EXOC1: variants seen among roughly 807,000 people sequenced by gnomAD.
EXOC1 encodes exocyst complex component 1.
A neutral mutation model predicts 107.7 loss-of-function variants in EXOC1; 67 were observed. The observed-to-expected ratio is 0.62, with a 90% CI of 0.51 to 0.76. The LOEUF is 0.76. Among genes scored for constraint, EXOC1 ranks in the 30% least tolerant of loss-of-function variants. EXOC1 has a pLI of 0.00. For missense variants in EXOC1, 833 were observed against 1,055.7 expected (o/e 0.79, Z 2.92); for synonymous variants, 348 against 353.5 (o/e 0.98, Z 0.17).
At chr4:55,873,825 A>C (rs1340164626) in intron 8 of EXOC1, among the ~76,000 whole-genome samples, 1 of 152,164 alleles carries the variant, frequency 6.6e-6, no homozygotes, top group African/African-American at 2.4e-5. Flanking sequence ...GTAGGGAGAC[A>C]AGCTGGGAAA....
At chr4:55,887,224 C>G (rs1306248215) in intron 10 of EXOC1, among the ~76,000 whole-genome samples, 1 of 152,076 alleles carries the variant, frequency 6.6e-6, no homozygotes, top group East Asian at 1.9e-4. Flanking sequence ...TGCCCTCCTT[C>G]CAATTTAATA....
At position 55,872,006 on chromosome 4, in the gene EXOC1, A is replaced by G. The variant is rs567247849; in HGVS notation, c.1074+48A>G. The stretch of plus-strand genomic sequence containing the variant: ...ACGAGCATGTTCCTATAGCTTATTT[A>G]TGTATTAACCTTACATTTCCACAAA... On this transcript the variant is annotated intron_variant, in intron 8 of 18. Coordinates refer to ENST00000381295, the MANE Select transcript of EXOC1 (RefSeq NM_001024924.2). 3.6e-5 allele frequency: 55 copies of G among 1,511,530 alleles called. No individual in the cohort carries two copies. In the South Asian group the frequency reaches 3.8e-4, roughly 10 times the overall value. 93.6% of individuals were successfully genotyped at this position (1,511,530 alleles called of 1,614,324 possible). A position where few individuals can be genotyped will look rare whatever the true frequency, so the allele number is the denominator to read the frequency against.
chr4:55,858,960 C>T (rs988859565), intron 2 of EXOC1, among the ~76,000 whole-genome samples: 5 of 152,102 alleles, frequency 3.3e-5, no homozygotes, highest in African/African-American at 9.7e-5. Flanking sequence ...AAAGATCCTT[C>T]CCTGTATCTT....
chr4:55,899,792 G>A lies in EXOC1; in HGVS notation c.2245G>A (p.Glu749Lys), dbSNP rs1309490649. The A allele has an allele frequency of 4.3e-6, 7 of 1,613,256 alleles. No homozygotes were observed. The highest frequency in any genetic ancestry group is 5.1e-6 in the Non-Finnish European group (6 of 1,179,636). The change falls in exon 17 of 19, where the codon GAA becomes AAA. Residue 749 changes from glutamate to lysine, a missense_variant. Around this residue, in one of 2 missense-constraint regions of EXOC1, gnomAD observed 216 missense variants for 354.4 expected, o/e 0.61. Transcript: ENST00000381295. ...TLSRLKISCL[E>K]AEKKEAKQKY... ...TTCTCGATTGAAAATCTCATGTCTA[G>A]AAGCAGAAAAAAAAGAAGCCAAACA...
intron 9 of EXOC1, among the ~76,000 whole-genome samples, chr4:55,881,789 A>G (rs796871333): frequency 5.9e-5 from 9 of 152,306 alleles, no homozygotes; most frequent in African/African-American, 2.2e-4. Flanking sequence ...AGGGAGGCAG[A>G]TTTGCCCAAG....
At chr4:55,883,551 C>T (rs1365050430) in intron 9 of EXOC1, 2 of 262,600 alleles carry the variant, frequency 7.6e-6, no homozygotes, top group East Asian at 1.1e-4. Context: ...AGTGTGATTA[C>T]AGTGATATTT....
chr4:55,875,684 T>C (rs1722835298), intron 8 of EXOC1: 1 of 985,030 alleles, frequency 1.0e-6, no homozygotes, highest in Non-Finnish European at 1.2e-6. Flanking sequence ...AACGATACAT[T>C]GTTACTAATA....
chr4:55,871,178 C>T lies in EXOC1; in HGVS notation c.909C>T (p.Ala303=). The T allele has an allele frequency of 6.2e-7, 1 of 1,613,870 alleles. No homozygotes were observed. Among genetic ancestry groups the T allele is most frequent in the Non-Finnish European group, 8.5e-7 (1 of 1,179,860 alleles). Residue 303 remains alanine (A), a synonymous_variant, in exon 7 of 19, where the codon GCC becomes GCT. Transcript: ENST00000381295. ...GDLASSRGIE[A]CTNAADALLQ... The stretch of plus-strand genomic sequence containing the variant: ...TTGCTTCTTCCAGAGGCATTGAGGC[C>T]TGCACCAATGCTGCTGATGCCCTTC...
At chr4:55,893,468 G>T in intron 14 of EXOC1, 84 bp from the exon 15 acceptor site, 5 of 1,183,820 alleles carry the variant, frequency 4.2e-6, no homozygotes, top group Non-Finnish European at 6.0e-6. Context: ...TTGTCCTTTT[G>T]TATATACCCA....
chr4:55,890,118 C>A, intron 11 of EXOC1, 105 bp from the exon 12 acceptor site: 1 of 1,083,772 alleles, frequency 9.2e-7, no homozygotes, highest in Non-Finnish European at 1.4e-6. Flanking sequence ...CTAATATGAG[C>A]CCTGGAAGAT....
chr4:55,876,855 A>C (rs1381225173), intron 8 of EXOC1: 8 of 985,166 alleles, frequency 8.1e-6, no homozygotes, highest in Non-Finnish European at 9.6e-6. Context: ...ATATTCTCAC[A>C]TGAAGAAAAT....
chr4:55,876,404 A>T, intron 8 of EXOC1: 2 of 689,420 alleles, frequency 2.9e-6, no homozygotes, highest in Non-Finnish European at 3.6e-6. Context: ...TATACTGTAT[A>T]TTATATAATC....
chr4:55,885,595 G>T (rs1382441897), intron 10 of EXOC1: 1 of 152,168 alleles, frequency 6.6e-6, no homozygotes, highest in African/African-American at 2.4e-5. Flanking sequence ...ATAGAAAATT[G>T]TGCTCACTTT....
At chr4:55,855,043 G>A (rs1321337220) in intron 1 of EXOC1, among the ~76,000 whole-genome samples, 1 of 152,176 alleles carries the variant, frequency 6.6e-6, no homozygotes, top group Non-Finnish European at 1.5e-5. Context: ...GTTTGGATAG[G>A]GCGGAGATGA....
At position 55,896,887 on chromosome 4, in the gene EXOC1, A is replaced by G. The variant is rs1577778337; in HGVS notation, c.2124A>G (p.Gly708=). The G allele has an allele frequency of 6.3e-7, 1 of 1,590,296 alleles. No individual in the cohort carries two copies. The highest frequency in any genetic ancestry group is 1.4e-5 in the African/African-American group (1 of 73,180). Residue 708 remains glycine (G), a synonymous_variant, in exon 16 of 19, where the codon GGA becomes GGG. Coordinates refer to ENST00000381295, the MANE Select transcript of EXOC1 (RefSeq NM_001024924.2). ...AAGCATACACCAAACTTATCAGAGG[A>G]GTATTTGTTAATGGTAAGCTTTTGT... ...LDKAYTKLIR[G]VFVNVEKVAN... is the part of the protein sequence containing the mutation.
At chr4:55,855,621 G>A (rs1720889952) in intron 1 of EXOC1, among the ~76,000 whole-genome samples, 1 of 152,128 alleles carries the variant, frequency 6.6e-6, no homozygotes, top group South Asian at 2.1e-4. Flanking sequence ...GTGTTAGAGA[G>A]GTAGAAATTA....
chr4:55,872,487 GTAA>G (rs1055789684), intron 8 of EXOC1, among the ~76,000 whole-genome samples: 6 of 151,854 alleles, frequency 4.0e-5, no homozygotes, highest in Non-Finnish European at 7.4e-5. Flanking sequence ...TAAGAGTGTG[GTAA>G]TAATATTGTT....
intron 11 of EXOC1, among the ~76,000 whole-genome samples, chr4:55,889,313 A>C (rs928536015): frequency 6.6e-6 from 1 of 151,728 alleles, no homozygotes; most frequent in African/African-American, 2.4e-5. Flanking sequence ...ATTAGCAAAT[A>C]GTACAAGTTA....
In EXOC1 at chr4:55,896,894, G is replaced by T. The variant is rs1253873859; in HGVS notation, c.2131G>T (p.Val711Phe). The stretch of plus-strand genomic sequence containing the variant: ...CACCAAACTTATCAGAGGAGTATTT[G>T]TTAATGGTAAGCTTTTGTTATGTTC... ...AYTKLIRGVF[V>F]NVEKVANESQ... is the part of the protein sequence containing the mutation. Residue 711 changes from valine (V) to phenylalanine (F), a missense_variant, in exon 16 of 19, where the codon GTT becomes TTT. Val to Phe is a conservative substitution (Grantham distance 50). Around this residue, in one of 2 missense-constraint regions of EXOC1, gnomAD observed 216 missense variants for 354.4 expected, o/e 0.61. Coordinates refer to ENST00000381295, the MANE Select transcript of EXOC1 (RefSeq NM_001024924.2). 6 of 1,586,282 alleles carry T rather than the reference G, an allele frequency of 3.8e-6. No individual in the cohort carries two copies. The highest frequency in any genetic ancestry group is 5.1e-6 in the Non-Finnish European group (6 of 1,171,852).
Sources: gnomAD v4.1 joint callset for allele counts (sites outside exome capture counted in the v4.1 genomes callset) on GRCh38, gnomAD v4.1.1 for gene constraint, gnomAD v4.1.1 regional missense constraint, MANE v1.5 for transcripts, NCBI Gene and HGNC (gene_info 2026-07-23, HGNC 2026-07-21) for gene names.